Variants in PDXK observed in about 807,000 individuals in gnomAD.
PDXK encodes pyridoxal kinase, also known as epididymis secretory sperm binding protein Li 1a.
A neutral mutation model predicts 43.2 loss-of-function variants in PDXK; 15 were observed. The observed-to-expected ratio is 0.35, with a 90% CI of 0.23 to 0.53. PDXK has a LOEUF of 0.53. PDXK is among the 20% of genes least tolerant of loss of function. PDXK has a pLI of 0.92. For synonymous variants in PDXK, 172 were observed against 165.4 expected, an observed-to-expected ratio of 1.04 and a Z score of -0.31; for missense variants, 343 against 417.0, an observed-to-expected ratio of 0.82 and a Z score of 1.54.
Position 43,722,422 on chromosome 21 carries a change from G to A in PDXK, c.87+3041G>A, listed in dbSNP as rs889899656. The stretch of plus-strand genomic sequence containing the variant: ...CAACCCCTTTTGCTCTATTGCTTCC[G>A]TAACCCTAAGGTACACAGCTGTAGG... On this transcript the variant is annotated intron_variant, in intron 1 of 10. Transcript: ENST00000291565. Among the ~76,000 whole-genome samples the A allele has an allele frequency of 5.3e-5, 8 of 152,300 alleles. No individual in the cohort carries two copies. In the South Asian group the frequency reaches 6.2e-4, roughly 12 times the overall value.
Position 43,737,938 on chromosome 21 carries a change from GC to G in PDXK, c.143-3728del, listed in dbSNP as rs958773530. On this transcript the variant is annotated intron_variant, in intron 2 of 10. Transcript: ENST00000291565. The surrounding 1 kb of genome is among the most constrained non-coding windows in gnomAD (Gnocchi z 4.8). The stretch of plus-strand genomic sequence containing the variant: ...GGGCCCATCCCACATCCCACAGTGG[GC>G]AGGAGGCCACCAAGAGGTGCAAGAC... 44 of 985,434 alleles carry G rather than the reference GC, an allele frequency of 4.5e-5. No homozygotes were observed. Among genetic ancestry groups the G allele is most frequent in the Non-Finnish European group, 5.2e-5 (43 of 829,984 alleles). The allele number at this position is 985,434 out of a possible 1,614,324, so 61.0% of individuals were successfully genotyped here. A position where few individuals can be genotyped will look rare whatever the true frequency, so the allele number is the denominator to read the frequency against.
intron 5 of PDXK, chr21:43,748,618 G>T: frequency 5.5e-6 from 1 of 183,184 alleles, no homozygotes. Context: ...GACATGGCCA[G>T]CACCCCCAAG....
chr21:43,739,224 C>T (rs752067985), intron 2 of PDXK, among the ~76,000 whole-genome samples: 5 of 152,278 alleles, frequency 3.3e-5, no homozygotes, highest in South Asian at 2.1e-4. Context: ...GGTTTTGCCA[C>T]GTTGGCCAGG....
chr21:43,728,497 A>G (rs1482951107), intron 1 of PDXK, among the ~76,000 whole-genome samples: 1 of 152,086 alleles, frequency 6.6e-6, no homozygotes, highest in East Asian at 1.9e-4. Context: ...GCTCCCCTGG[A>G]ATGTTCCAGA....
Position 43,760,658 on chromosome 21 carries a change from T to C in PDXK, c.*4595T>C, listed in dbSNP as rs1053037087. ...CTTTTTTCAGTGTGCGACTCGTCTC[T>C]GTTAGGTGGTAGGAGCCAGTTTGTG... On this transcript the variant is annotated 3_prime_UTR_variant, in exon 11 of 11. Transcript: ENST00000291565. The C allele has an allele frequency of 2.0e-5, 3 of 152,314 alleles. No individual in the cohort carries two copies. The highest frequency in any genetic ancestry group is 7.2e-5 in the African/African-American group (3 of 41,454). 9.4% of individuals were successfully genotyped at this position (152,314 alleles called of 1,614,324 possible). A position where few individuals can be genotyped will look rare whatever the true frequency, so the allele number is the denominator to read the frequency against.
At chr21:43,749,897 G>C (rs1012624139) in intron 6 of PDXK, among the ~76,000 whole-genome samples, 5 of 152,246 alleles carry the variant, frequency 3.3e-5, no homozygotes, top group African/African-American at 1.2e-4. Flanking sequence ...GCTCCCCCCA[G>C]CTGAAGAATC....
chr21:43,747,686 T>C (rs1433626726), intron 5 of PDXK, among the ~76,000 whole-genome samples: 1 of 152,214 alleles, frequency 6.6e-6, no homozygotes, highest in Non-Finnish European at 1.5e-5. Flanking sequence ...ACACTTGCGT[T>C]TGGATCACGA....
At chr21:43,728,101 T>C (rs554793952) in intron 1 of PDXK, among the ~76,000 whole-genome samples, 1 of 152,242 alleles carries the variant, frequency 6.6e-6, no homozygotes, top group Admixed American at 6.5e-5. Context: ...GCCCAGGCGA[T>C]GGACCCTGGA....
chr21:43,749,082 T>G lies in PDXK; in HGVS notation c.464+2T>G. 3.8e-6 allele frequency: 6 copies of G among 1,570,920 alleles called. No individual in the cohort carries two copies. Among genetic ancestry groups the G allele is most frequent in the Non-Finnish European group, 5.2e-6 (6 of 1,144,220 alleles). On this transcript the variant is annotated splice_donor_variant, in intron 6 of 10. Transcript: ENST00000291565. LOFTEE classifies it high-confidence loss of function. Reference sequence around the variant, plus strand: ...CACGCCCAACCAGTTTGAGGCCGAGTAAGTCATTTTATTTTATTTTACTTT... The same window carrying G: ...CACGCCCAACCAGTTTGAGGCCGAGGAAGTCATTTTATTTTATTTTACTTT...
chr21:43,756,235 A>G lies in PDXK; in HGVS notation c.*172A>G, dbSNP rs567995922. 1.9e-6 allele frequency: 1 copy of G among 523,472 alleles called. No individual in the cohort carries two copies. Among genetic ancestry groups the G allele is most frequent in the African/African-American group, 1.9e-5 (1 of 51,720 alleles). 32.4% of individuals were successfully genotyped at this position (523,472 alleles called of 1,614,324 possible). A position where few individuals can be genotyped will look rare whatever the true frequency, so the allele number is the denominator to read the frequency against. On this transcript the variant is annotated 3_prime_UTR_variant, in exon 11 of 11. Coordinates refer to ENST00000291565, the MANE Select transcript of PDXK (RefSeq NM_003681.5). ...TGAAACGTGCCAGTCGTGCTTTGTG[A>G]AAAATAACAAAGTGGTCACAGAAAT...
chr21:43,750,956 GTGTGCA>G (rs1265894863), intron 7 of PDXK, among the ~76,000 whole-genome samples: 3 of 53,098 alleles, frequency 5.6e-5, no homozygotes, highest in African/African-American at 9.7e-5. Context: ...TTGCACATGT[GTGTGCA>G]TGTGTGTGTG....
intron 10 of PDXK, 88 bp downstream of exon 10, chr21:43,755,852 G>A (rs2083840453): frequency 1.4e-6 from 2 of 1,446,952 alleles, no homozygotes; most frequent in Non-Finnish European, 1.9e-6. Context: ...GGTTTTGAAG[G>A]TGTGATCGGT....
At chr21:43,748,464 G>T (rs2083676408) in intron 5 of PDXK, 1 of 152,826 alleles carries the variant, frequency 6.5e-6, no homozygotes, top group Non-Finnish European at 1.5e-5. Context: ...TCCAACCTGG[G>T]CAACAGGAGC....
Position 43,719,223 on chromosome 21 carries a change from G to T in PDXK, c.-72G>T, listed in dbSNP as rs190031754. ...CGGGGCCGGAGCCCGAGCCCGAGCC[G>T]AGCCGGAGCCCGAGCGAGCGGCGGA... On this transcript the variant is annotated 5_prime_UTR_variant, in exon 1 of 11. Transcript: ENST00000291565. The T allele has an allele frequency of 1.1e-6, 1 of 881,434 alleles. No individual in the cohort carries two copies. Among genetic ancestry groups the T allele is most frequent in the Non-Finnish European group, 1.5e-6 (1 of 663,086 alleles). The allele number at this position is 881,434 out of a possible 1,614,324, so 54.6% of individuals were successfully genotyped here.
intron 7 of PDXK, among the ~76,000 whole-genome samples, chr21:43,750,781 T>TA (rs2083725452): frequency 1.8e-5 from 1 of 54,176 alleles, no homozygotes. Flanking sequence ...GTATTGTGTG[T>TA]GGGTGTGTGT....
intron 6 of PDXK, 107 bp downstream of exon 6, chr21:43,749,187 C>T (rs982066025): frequency 8.3e-6 from 5 of 603,380 alleles, no homozygotes; most frequent in Non-Finnish European, 1.4e-5. Flanking sequence ...TCACTGCAAC[C>T]TCTGTCTCCG....
intron 1 of PDXK, among the ~76,000 whole-genome samples, chr21:43,727,738 A>G (rs2083268756): frequency 6.6e-6 from 1 of 152,150 alleles, no homozygotes; most frequent in South Asian, 2.1e-4. Flanking sequence ...GGGCACAGGG[A>G]GGAACAGCAT....
chr21:43,745,913 C>T (rs1222849931), intron 4 of PDXK, 166 bp from the exon 5 acceptor site: 1 of 650,972 alleles, frequency 1.5e-6, no homozygotes, highest in Non-Finnish European at 2.8e-6. Flanking sequence ...AGGAGGATCG[C>T]CCGAGCCTGG....
rs768145639 is a variant in PDXK at position 43,750,544 on chromosome 21, G to A, written c.509G>A (p.Arg170Gln). ...RKIHSQEEAL[R>Q]VMDMLHSMGP... ...ATCCACAGCCAGGAGGAAGCCTTGC[G>A]GGTAAGGAGGCCCTCTGGGGCCTGT... Residue 170 changes from arginine (R) to glutamine (Q), a missense_variant and splice_region_variant, in exon 7 of 11, where the codon CGG becomes CAG. Transcript: ENST00000291565. The A allele has an allele frequency of 1.9e-5, 30 of 1,612,470 alleles. No homozygotes were observed. The highest frequency in any genetic ancestry group is 2.2e-5 in the East Asian group (1 of 44,882).
Sources: allele counts gnomAD v4.1 joint callset (sites outside exome capture counted in the v4.1 genomes callset), GRCh38; gene constraint gnomAD v4.1.1; non-coding constraint Gnocchi (gnomAD v3.1); transcripts MANE v1.5; gene names NCBI Gene and HGNC (gene_info 2026-07-23, HGNC 2026-07-21).